Variants in LRMDA observed in about 807,000 individuals in gnomAD.
The protein encoded by LRMDA is leucine-rich melanocyte differentiation-associated protein.
LRMDA carries 18 observed loss-of-function variants against 29.8 expected under a neutral mutation model. The observed-to-expected ratio is 0.60, with a 90% confidence interval of 0.42 to 0.90. The LOEUF is 0.90. Among genes scored for constraint, LRMDA ranks in the 40% least tolerant of loss-of-function variants. The pLI is 0.00. For synonymous variants in LRMDA, 125 were observed against 109.4 expected, an observed-to-expected ratio of 1.14 and a Z score of -0.89; for missense variants, 273 against 273.9, an observed-to-expected ratio of 1.00 and a Z score of 0.02.
chr10:76,277,391 A>T (rs1228808938), intron 5 of LRMDA, among the ~76,000 whole-genome samples: 1 of 152,226 alleles, frequency 6.6e-6, no homozygotes, highest in South Asian at 2.1e-4. Context: ...TGGAAGAGAT[A>T]GGAGGTAGTG....
chr10:75,888,423 G>A (rs1589241900), intron 2 of LRMDA, among the ~76,000 whole-genome samples: 2 of 152,126 alleles, frequency 1.3e-5, no homozygotes, highest in African/African-American at 4.8e-5. Context: ...ACACTGAACC[G>A]TTGTCACTAG....
At chr10:76,221,167 A>G (rs1851827053) in intron 5 of LRMDA, among the ~76,000 whole-genome samples, 2 of 152,060 alleles carry the variant, frequency 1.3e-5, no homozygotes, top group Admixed American at 1.3e-4. Context: ...CCAATATCAT[A>G]CTGAATGGGC....
chr10:75,534,784 C>A (rs960979281), intron 2 of LRMDA, among the ~76,000 whole-genome samples: 3 of 152,054 alleles, frequency 2.0e-5, no homozygotes, highest in African/African-American at 7.2e-5. Flanking sequence ...AATTTTGAAT[C>A]CCAAAATAAG....
intron 2 of LRMDA, among the ~76,000 whole-genome samples, chr10:75,682,500 T>C (rs1234161559): frequency 6.6e-6 from 1 of 152,066 alleles, no homozygotes; most frequent in Non-Finnish European, 1.5e-5. Flanking sequence ...TATCTGTGTG[T>C]GCACATGTAT....
At chr10:76,096,292 T>G (rs1329584352) in intron 5 of LRMDA, among the ~76,000 whole-genome samples, 1 of 152,156 alleles carries the variant, frequency 6.6e-6, no homozygotes, top group African/African-American at 2.4e-5. Context: ...TTATTACTTG[T>G]ATATGGTGCC....
chr10:76,484,205 C>G (rs559472128), intron 6 of LRMDA, among the ~76,000 whole-genome samples: 207 of 151,204 alleles, frequency 1.4e-3, no homozygotes, highest in Non-Finnish European at 2.2e-3. Flanking sequence ...TCTTTTTCTC[C>G]TTTACTTCCT....
chr10:76,371,816 C>T (rs1841458137), intron 6 of LRMDA, among the ~76,000 whole-genome samples: 1 of 152,158 alleles, frequency 6.6e-6, no homozygotes, highest in East Asian at 1.9e-4. Flanking sequence ...CTGGCAGATG[C>T]TTAAGACTGG....
chr10:75,659,630 G>C (rs1841724394), intron 2 of LRMDA, among the ~76,000 whole-genome samples: 1 of 152,172 alleles, frequency 6.6e-6, no homozygotes, highest in Admixed American at 6.5e-5. Context: ...TGGTCACCAG[G>C]GACTGGGAGG....
intron 2 of LRMDA, among the ~76,000 whole-genome samples, chr10:75,836,685 C>A (rs1195623098): frequency 1.3e-5 from 2 of 152,182 alleles, no homozygotes; most frequent in Non-Finnish European, 2.9e-5. Flanking sequence ...TCTGGAAATT[C>A]TTGTCCACAT....
chr10:75,672,050 C>A (rs1193925585), intron 2 of LRMDA, among the ~76,000 whole-genome samples: 1 of 152,142 alleles, frequency 6.6e-6, no homozygotes, highest in Non-Finnish European at 1.5e-5. Flanking sequence ...GGCACAGACC[C>A]CTTATTTTAC....
intron 5 of LRMDA, among the ~76,000 whole-genome samples, chr10:76,073,446 A>T (rs779809472): frequency 2.6e-5 from 4 of 152,174 alleles, no homozygotes; most frequent in Non-Finnish European, 4.4e-5. Context: ...TATGGACTGT[A>T]TAATTCTCTA....
intron 5 of LRMDA, among the ~76,000 whole-genome samples, chr10:76,234,534 T>C (rs1387365265): frequency 6.6e-6 from 1 of 152,214 alleles, no homozygotes; most frequent in East Asian, 1.9e-4. Context: ...TCTCTCTAGC[T>C]ATAAAAGCCC....
chr10:75,822,463 CTTAAAA>C (rs1239123346), intron 2 of LRMDA, among the ~76,000 whole-genome samples: 3 of 151,890 alleles, frequency 2.0e-5, no homozygotes, highest in East Asian at 1.9e-4. Flanking sequence ...TAAAAAAAAA[CTTAAAA>C]TTAATATGGA....
intron 5 of LRMDA, among the ~76,000 whole-genome samples, chr10:76,265,105 G>T (rs547708103): frequency 1.3e-5 from 2 of 152,216 alleles, no homozygotes; most frequent in East Asian, 1.9e-4. Context: ...ATGGCCTCTG[G>T]GGCCTGCACA....
intron 2 of LRMDA, among the ~76,000 whole-genome samples, chr10:75,647,863 TCTG>T (rs1841543169): frequency 6.6e-6 from 1 of 152,100 alleles, no homozygotes; most frequent in Non-Finnish European, 1.5e-5. Flanking sequence ...CCTGCCCACT[TCTG>T]CTCTCACCCA....
At chr10:75,534,960 G>A (rs374266864) in intron 2 of LRMDA, among the ~76,000 whole-genome samples, 4 of 151,942 alleles carry the variant, frequency 2.6e-5, no homozygotes, top group South Asian at 4.2e-4. Flanking sequence ...TTAAAAAAAC[G>A]AAAACAAAAC....
intron 2 of LRMDA, among the ~76,000 whole-genome samples, chr10:75,790,595 C>T (rs1843549264): frequency 6.6e-6 from 1 of 152,216 alleles, no homozygotes; most frequent in Non-Finnish European, 1.5e-5. Flanking sequence ...GCTTATGCTG[C>T]TCCTCTTCTT....
At chr10:76,269,043 T>C (rs1840037315) in intron 5 of LRMDA, among the ~76,000 whole-genome samples, 1 of 152,110 alleles carries the variant, frequency 6.6e-6, no homozygotes, top group Non-Finnish European at 1.5e-5. Flanking sequence ...CACCGAATAT[T>C]TATATATCTA....
At chr10:76,262,558 AAT>A (rs1487451271) in intron 5 of LRMDA, among the ~76,000 whole-genome samples, 2 of 152,200 alleles carry the variant, frequency 1.3e-5, no homozygotes, top group Non-Finnish European at 2.9e-5. Context: ...ACTGATCTCA[AAT>A]AACTCTCTGG....
Sources: gnomAD v4.1 joint callset for allele counts (sites outside exome capture counted in the v4.1 genomes callset) on GRCh38, gnomAD v4.1.1 for gene constraint, MANE v1.5 for transcripts, NCBI Gene and HGNC (gene_info 2026-07-23, HGNC 2026-07-21) for gene names.